SYT9: variants seen among roughly 807,000 people sequenced by gnomAD.
SYT9 encodes synaptotagmin 9.
Under a neutral mutation model 48.4 loss-of-function variants are expected in SYT9, and 22 were observed. The observed-to-expected ratio is 0.45, with a 90% CI of 0.32 to 0.65. The LOEUF is 0.65. SYT9 is among the 30% of genes least tolerant of loss of function. SYT9 has a pLI of 0.03. For missense variants in SYT9, 577 were observed against 622.0 expected (o/e 0.93, Z 0.77); for synonymous variants, 265 against 245.0 (o/e 1.08, Z -0.76).
intron 1 of SYT9, among the ~76,000 whole-genome samples, chr11:7,265,511 G>T (rs1181329601): frequency 6.6e-6 from 1 of 152,156 alleles, no homozygotes; most frequent in Admixed American, 6.5e-5. Context: ...CACAGCTAGG[G>T]TTGCAAATGA....
intron 3 of SYT9, among the ~76,000 whole-genome samples, chr11:7,333,197 A>G (rs1441866167): frequency 6.6e-6 from 1 of 152,156 alleles, no homozygotes; most frequent in Non-Finnish European, 1.5e-5. Context: ...CTAAATAAAC[A>G]TAGTGGGGGA....
At chr11:7,374,237 C>T (rs995214174) in intron 3 of SYT9, among the ~76,000 whole-genome samples, 1 of 152,180 alleles carries the variant, frequency 6.6e-6, no homozygotes, top group African/African-American at 2.4e-5. Flanking sequence ...CCTGTCCCTG[C>T]AAAGGACATG....
intron 1 of SYT9, among the ~76,000 whole-genome samples, chr11:7,297,295 A>G (rs1035441457): frequency 6.6e-6 from 1 of 152,202 alleles, no homozygotes; most frequent in Admixed American, 6.5e-5. Flanking sequence ...AAAAGTAGAG[A>G]GGTTAATATA....
Position 7,466,730 on chromosome 11 carries a change from A to G in SYT9, c.1468-62A>G, listed in dbSNP as rs547496742. The G allele has an allele frequency of 1.6e-4, 244 of 1,567,790 alleles. 5 individuals are homozygous for G. The African/African-American group carries it at 2.7e-3, about 17-fold the overall frequency. ...AGCAAGACTCTGTCTCAAAAAAAAA[A>G]AAAAAAGAAAAAAAATGTATGAATG... On this transcript the variant is annotated intron_variant, in intron 6 of 6. Coordinates refer to ENST00000318881, the MANE Select transcript of SYT9 (RefSeq NM_175733.4).
At chr11:7,290,300 A>AC (rs2133917785) in intron 1 of SYT9, among the ~76,000 whole-genome samples, 1 of 152,356 alleles carries the variant, frequency 6.6e-6, no homozygotes, top group East Asian at 1.9e-4. Flanking sequence ...ATCATCAGGC[A>AC]CTAAGAACTT....
At chr11:7,251,241 A>G (rs547996412), upstream of SYT9, among the ~76,000 whole-genome samples, 2 of 151,958 alleles carry the variant, frequency 1.3e-5, no homozygotes, top group South Asian at 4.2e-4. Context: ...ATTCTGTGAT[A>G]CTCCTCCTTG....
chr11:7,297,102 CAG>C (rs35567024), intron 1 of SYT9, among the ~76,000 whole-genome samples: 1,945 of 142,508 alleles, frequency 0.014, 33 homozygotes, highest in African/African-American at 0.042. Context: ...GAGAGAGAGA[CAG>C]AGAGAGAGAG....
intron 3 of SYT9, among the ~76,000 whole-genome samples, chr11:7,364,410 T>G (rs112194551): frequency 1.3e-5 from 2 of 152,286 alleles, no homozygotes; most frequent in African/African-American, 4.8e-5. Context: ...TTTGTTAAAT[T>G]TCTAGTGTTA....
intron 3 of SYT9, among the ~76,000 whole-genome samples, chr11:7,355,863 C>A (rs977838143): frequency 2.6e-5 from 4 of 152,356 alleles, no homozygotes; most frequent in Non-Finnish European, 5.9e-5. Context: ...CATGCTGTGT[C>A]TTTGCTCCCA....
chr11:7,319,192 CTTTTTT>C (rs71056795), intron 3 of SYT9, among the ~76,000 whole-genome samples: 1 of 86,188 alleles, frequency 1.2e-5, no homozygotes, highest in Non-Finnish European at 2.2e-5. Flanking sequence ...TCTTCTTTTT[CTTTTTT>C]TTTTTTTTTT....
chr11:7,409,086 G>A (rs1297329486), intron 3 of SYT9, among the ~76,000 whole-genome samples: 1 of 152,050 alleles, frequency 6.6e-6, no homozygotes, highest in Non-Finnish European at 1.5e-5. Flanking sequence ...TCTGCACTTG[G>A]TTTATTGAGA....
At chr11:7,354,875 C>G (rs1048873747) in intron 3 of SYT9, among the ~76,000 whole-genome samples, 1 of 152,040 alleles carries the variant, frequency 6.6e-6, no homozygotes, top group African/African-American at 2.4e-5. Flanking sequence ...GGCATTGCCT[C>G]TCAGGAATAC....
intron 1 of SYT9, among the ~76,000 whole-genome samples, chr11:7,262,086 T>G (rs113918150): frequency 1.3e-5 from 2 of 152,102 alleles, no homozygotes; most frequent in Non-Finnish European, 2.9e-5. Flanking sequence ...GGTGGTGGCT[T>G]GGACCAGAGT....
chr11:7,395,065 A>G (rs1254694546), intron 3 of SYT9, among the ~76,000 whole-genome samples: 1 of 151,922 alleles, frequency 6.6e-6, no homozygotes, highest in East Asian at 1.9e-4. Context: ...GTATTTGGTT[A>G]CATCAGTAGG....
chr11:7,405,618 C>G (rs1431371034), intron 3 of SYT9, among the ~76,000 whole-genome samples: 3 of 152,088 alleles, frequency 2.0e-5, no homozygotes, highest in African/African-American at 7.2e-5. Context: ...ACCACAACCA[C>G]AACAAATGCT....
intron 2 of SYT9, among the ~76,000 whole-genome samples, chr11:7,309,459 A>G (rs927638734): frequency 1.3e-5 from 2 of 151,862 alleles, no homozygotes; most frequent in Admixed American, 1.3e-4. Context: ...AAATTCCTAC[A>G]CTCCCTCAAT....
chr11:7,242,613 A>G (rs1847750778), intron 1 of SYT9, among the ~76,000 whole-genome samples: 1 of 152,246 alleles, frequency 6.6e-6, no homozygotes, highest in Non-Finnish European at 1.5e-5. Context: ...ATAGACCTCT[A>G]GGATTCTAAA....
intron 1 of SYT9, among the ~76,000 whole-genome samples, chr11:7,258,292 G>A (rs1564838609): frequency 6.6e-6 from 1 of 152,172 alleles, no homozygotes; most frequent in Non-Finnish European, 1.5e-5. Context: ...CAAGTATGGA[G>A]TATGTATTTC....
intron 3 of SYT9, among the ~76,000 whole-genome samples, chr11:7,320,990 A>G (rs1849328340): frequency 6.6e-6 from 1 of 151,756 alleles, no homozygotes; most frequent in African/African-American, 2.4e-5. Flanking sequence ...CCCACTTACT[A>G]GTGGCTTTCT....
Sources: allele counts gnomAD v4.1 joint callset (sites outside exome capture counted in the v4.1 genomes callset), GRCh38; gene constraint gnomAD v4.1.1; transcripts MANE v1.5; gene names NCBI Gene and HGNC (gene_info 2026-07-23, HGNC 2026-07-21).